The following NALCN variants were observed in gnomAD, a reference collection of about 807,000 sequenced individuals.
The protein encoded by NALCN is sodium leak channel NALCN.
In NALCN, 111 loss-of-function variants were observed where a neutral mutation model predicts 225.3. The ratio of observed to expected loss-of-function variants is 0.49; its 90% CI spans 0.42 to 0.58. The LOEUF (loss-of-function observed/expected upper bound fraction) is 0.58. NALCN is among the 20% of genes least tolerant of loss of function. The pLI is 0.00. For missense variants in NALCN, 1,378 were observed against 2,202.4 expected (o/e 0.63, Z 7.49); for synonymous variants, 764 against 769.0 (o/e 0.99, Z 0.11).
At chr13:101,074,720 CAGAGAGAGAG>C in intron 35 of NALCN, 58 bp from the exon 36 acceptor site, 2 of 1,342,396 alleles carry the variant, frequency 1.5e-6, no homozygotes, top group Non-Finnish European at 2.0e-6. Context: ...GAGACAGAGA[CAGAGAGAGAG>C]AGAGAGAGAG....
intron 7 of NALCN, among the ~76,000 whole-genome samples, chr13:101,336,599 G>C (rs142577315): frequency 6.6e-6 from 1 of 152,108 alleles, no homozygotes; most frequent in Non-Finnish European, 1.5e-5. Flanking sequence ...TGGAGCTGAC[G>C]ACTTGTAGTT....
chr13:101,149,128 C>G (rs1413256907), intron 15 of NALCN, among the ~76,000 whole-genome samples: 1 of 152,072 alleles, frequency 6.6e-6, no homozygotes, highest in African/African-American at 2.4e-5. Context: ...CCCGTCTCTG[C>G]TAAAAATACA....
chr13:101,391,742 T>C (rs1439793607), intron 3 of NALCN, among the ~76,000 whole-genome samples: 1 of 150,946 alleles, frequency 6.6e-6, no homozygotes, highest in Non-Finnish European at 1.5e-5. Context: ...CCCAGCACTT[T>C]GGGAAGCCAA....
At chr13:101,162,261 A>G (rs1291318289) in intron 15 of NALCN, among the ~76,000 whole-genome samples, 2 of 152,226 alleles carry the variant, frequency 1.3e-5, no homozygotes, top group African/African-American at 2.4e-5. Context: ...CAACTCCCCT[A>G]TTAGACCAGA....
chr13:101,182,882 G>A lies in NALCN; in HGVS notation c.1765-6508C>T, dbSNP rs189140739. Among the ~76,000 whole-genome samples, 313 of 152,306 alleles carry A rather than the reference G, an allele frequency of 2.1e-3. 1 individual carries two copies. The highest frequency in any genetic ancestry group is 7.3e-3 in the African/African-American group (303 of 41,564). On this transcript the variant is annotated intron_variant, in intron 14 of 43. Coordinates refer to ENST00000251127, the MANE Select transcript of NALCN (RefSeq NM_052867.4). The stretch of plus-strand genomic sequence containing the variant: ...CTAATAAGGTGACAATAAGCACTGC[G>A]ATAAAGGGTAGAAGTGAAGGAAGAA...
chr13:101,074,821 T>C (rs1030219746), intron 35 of NALCN, among the ~76,000 whole-genome samples, 159 bp from the exon 36 acceptor site: 1 of 152,154 alleles, frequency 6.6e-6, no homozygotes, highest in Admixed American at 6.5e-5. Context: ...CACTCTTAGG[T>C]GTATCATTTG....
chr13:101,350,882 A>G (rs984586002), intron 6 of NALCN, among the ~76,000 whole-genome samples: 9 of 152,210 alleles, frequency 5.9e-5, no homozygotes, highest in African/African-American at 1.9e-4. Context: ...GCTTCTGCTG[A>G]AATTTCCAGG....
In NALCN at chr13:101,097,003, CATCCCAGCAGA is replaced by C. The variant is rs569594598; in HGVS notation, c.3163-1334_3163-1324del. Among the ~76,000 whole-genome samples the C allele has an allele frequency of 9.1e-3, 1,391 of 152,270 alleles. 26 individuals are homozygous for C. Among genetic ancestry groups the C allele is most frequent in the African/African-American group, 0.031 (1,292 of 41,552 alleles). ...CTCCTCCTTTCTGTCCCTGGACCAG[CATCCCAGCAGA>C]AGCCCAGCATCAAGCTTAGGGTTCC... On this transcript the variant is annotated intron_variant, in intron 27 of 43. Transcript: ENST00000251127.
chr13:101,180,835 C>T lies in NALCN; in HGVS notation c.1765-4461G>A, dbSNP rs9585645. On this transcript the variant is annotated intron_variant, in intron 14 of 43. Transcript: ENST00000251127. ...TGTGTGGGCATCTCCCACGGAAACA[C>T]GCTTTGTCTCTCTCTCTCTCTGCAT... 1.3e-3 allele frequency: 457 copies of T among 340,804 alleles called. 1 individual carries two copies. The highest frequency in any genetic ancestry group is 2.1e-3 in the Middle Eastern group (2 of 944). The allele number at this position is 340,804 out of a possible 1,614,324, so 21.1% of individuals were successfully genotyped here.
chr13:101,220,839 T>C (rs1015155470), intron 13 of NALCN, among the ~76,000 whole-genome samples: 1 of 152,200 alleles, frequency 6.6e-6, no homozygotes, highest in African/African-American at 2.4e-5. Context: ...ATATATTACA[T>C]AGGCTGTAAT....
chr13:101,202,454 T>C lies in NALCN; in HGVS notation c.1627-10400A>G, dbSNP rs148867476. ...GGATTTGGAATTTGGAGTATAAATATAGTACTGTTGGTTAGAGCCATTGAC... is the reference window on the plus strand; with the variant it reads ...GGATTTGGAATTTGGAGTATAAATACAGTACTGTTGGTTAGAGCCATTGAC... On this transcript the variant is annotated intron_variant, in intron 13 of 43. Transcript: ENST00000251127. Among the ~76,000 whole-genome samples the C allele has an allele frequency of 2.7e-3, 417 of 152,276 alleles. 3 individuals carry two copies. Among genetic ancestry groups the C allele is most frequent in the African/African-American group, 9.3e-3 (388 of 41,560 alleles).
chr13:101,254,370 C>A (rs1356589130), intron 11 of NALCN, among the ~76,000 whole-genome samples: 77 of 68,018 alleles, frequency 1.1e-3, no homozygotes, highest in African/African-American at 2.0e-3. Flanking sequence ...GGGACTGTCT[C>A]AAAAAAAAAA....
At chr13:101,196,212 G>A (rs1001372234) in intron 13 of NALCN, among the ~76,000 whole-genome samples, 3 of 151,926 alleles carry the variant, frequency 2.0e-5, no homozygotes, top group Non-Finnish European at 4.4e-5. Flanking sequence ...GAGATTTTCT[G>A]ACTATTTCTC....
rs188220592 is a variant in NALCN, at chr13:101,335,172, C to T, written c.799+10094G>A. ...AAAACTCCTCTAGTCACTATCTTTT[C>T]TCATCCATTCAACAAGAACTCCTAA... On this transcript the variant is annotated intron_variant, in intron 7 of 43. Transcript: ENST00000251127. Among the ~76,000 whole-genome samples, 188 of 152,282 alleles carry T rather than the reference C, an allele frequency of 1.2e-3. 1 individual carries two copies. The highest frequency in any genetic ancestry group is 4.4e-3 in the African/African-American group (183 of 41,576).
At chr13:101,084,134 T>C (rs1015720285) in intron 30 of NALCN, among the ~76,000 whole-genome samples, 2 of 152,214 alleles carry the variant, frequency 1.3e-5, no homozygotes, top group African/African-American at 4.8e-5. Context: ...TAGTAGTTAG[T>C]TTCCTTTCAT....
rs2033731019 is a variant in NALCN, at chr13:101,082,870, TC to T, written c.3703del (p.Asp1235ThrfsTer3). 3.1e-6 allele frequency: 5 copies of T among 1,614,092 alleles called. No individual in the cohort carries two copies. In the East Asian group the frequency reaches 1.1e-4, roughly 36 times the overall value. The stretch of plus-strand genomic sequence containing the variant: ...TGTTGCCAAAGGTACGGTCACCGGG[TC>T]CTCGACGTCCCACTGCAACAGAAAC... ...VLLSVKWDVE[D>X]PVTVPLATMS... On this transcript the variant is annotated frameshift_variant, in exon 33 of 44. Transcript: ENST00000251127. LOFTEE classifies it high-confidence loss of function.
At chr13:101,182,133 CAA>C (rs34387567) in intron 14 of NALCN, among the ~76,000 whole-genome samples, 17,841 of 70,988 alleles carry the variant, frequency 0.25, 464 homozygotes, top group South Asian at 0.3. Context: ...GACTCCATCT[CAA>C]AAAAAAAAAA....
At chr13:101,168,281 G>A (rs2038549936) in intron 15 of NALCN, among the ~76,000 whole-genome samples, 1 of 151,936 alleles carries the variant, frequency 6.6e-6, no homozygotes, top group Non-Finnish European at 1.5e-5. Flanking sequence ...TGTTGATTTT[G>A]CTCTTTTTCA....
At chr13:101,088,574 C>T (rs1177881576) in intron 30 of NALCN, among the ~76,000 whole-genome samples, 2 of 152,176 alleles carry the variant, frequency 1.3e-5, no homozygotes, top group African/African-American at 4.8e-5. Flanking sequence ...TGCAACCGTG[C>T]ATTTGAGAGT....
Sources: gnomAD v4.1 joint callset for allele counts (sites outside exome capture counted in the v4.1 genomes callset) on GRCh38, gnomAD v4.1.1 for gene constraint, MANE v1.5 for transcripts, NCBI Gene and HGNC (gene_info 2026-07-23, HGNC 2026-07-21) for gene names.